The following EPM2A variants were observed in gnomAD, a reference collection of about 807,000 sequenced individuals.
EPM2A encodes the protein EPM2A glucan phosphatase, laforin, also known as laforin.
In EPM2A, 21 loss-of-function variants were observed where a neutral mutation model predicts 26.5. That is an observed-to-expected ratio of 0.79 (90% CI 0.56 to 1.14). The LOEUF is 1.14. Among genes scored for constraint, EPM2A ranks in the 50% most tolerant of loss-of-function variants. EPM2A has a pLI of 0.00. For synonymous variants in EPM2A, 217 were observed against 177.6 expected, an observed-to-expected ratio of 1.22 and a Z score of -1.76; for missense variants, 458 against 440.8, an observed-to-expected ratio of 1.04 and a Z score of -0.35.
chr6:145,516,101 T>C (rs1780122583), intron 2 of EPM2A, among the ~76,000 whole-genome samples: 1 of 152,178 alleles, frequency 6.6e-6, no homozygotes, highest in African/African-American at 2.4e-5. Flanking sequence ...AAAGTTACCA[T>C]ATCCTTGGGA....
intron 4 of EPM2A, among the ~76,000 whole-genome samples, chr6:145,402,853 T>TGAGTTACTCTGAGTA (rs1778509084): frequency 6.6e-6 from 1 of 152,190 alleles, no homozygotes; most frequent in Non-Finnish European, 1.5e-5. Context: ...TTTATATCTC[T>TGAGTTACTCTGAGTA]ACATATGTCT....
chr6:145,386,379 A>G (rs1455335997), intron 4 of EPM2A, among the ~76,000 whole-genome samples: 4 of 152,076 alleles, frequency 2.6e-5, no homozygotes, highest in African/African-American at 9.7e-5. Flanking sequence ...GCTTTTGTAT[A>G]TCACCCGAGA....
At chr6:145,530,382 T>C (rs1003371384) in intron 2 of EPM2A, among the ~76,000 whole-genome samples, 1 of 152,362 alleles carries the variant, frequency 6.6e-6, no homozygotes, top group Admixed American at 6.5e-5. Context: ...TTCACCATTA[T>C]TGAATTCCAA....
At chr6:145,585,983 C>A (rs73566751) in intron 2 of EPM2A, among the ~76,000 whole-genome samples, 10,200 of 152,186 alleles carry the variant, frequency 0.067, 1,149 homozygotes, top group African/African-American at 0.23. Context: ...ATTTTCACAT[C>A]TAGTTTTATC....
intron 4 of EPM2A, among the ~76,000 whole-genome samples, chr6:145,406,734 G>A (rs1327490678): frequency 2.0e-5 from 3 of 152,114 alleles, no homozygotes; most frequent in Non-Finnish European, 4.4e-5. Context: ...CTTCAGGCTA[G>A]AAAACTTCCC....
At chr6:145,564,084 AGTT>A (rs1780846447) in intron 2 of EPM2A, among the ~76,000 whole-genome samples, 12 of 152,192 alleles carry the variant, frequency 7.9e-5, no homozygotes, top group Admixed American at 7.9e-4. Context: ...CTAGGTAAAT[AGTT>A]GTTATGCTCC....
intron 1 of EPM2A, among the ~76,000 whole-genome samples, chr6:145,689,150 A>G (rs1182991477): frequency 2.6e-5 from 4 of 152,204 alleles, no homozygotes; most frequent in Non-Finnish European, 4.4e-5. Flanking sequence ...TTAATTACTC[A>G]TTTTTACACA....
At chr6:145,544,608 T>C (rs1159882196) in intron 2 of EPM2A, among the ~76,000 whole-genome samples, 2 of 152,180 alleles carry the variant, frequency 1.3e-5, no homozygotes, top group African/African-American at 4.8e-5. Context: ...AATTGGTTTT[T>C]TTTTCTTCCT....
At chr6:145,479,553 C>T (rs1779587784) in intron 4 of EPM2A, among the ~76,000 whole-genome samples, 1 of 151,818 alleles carries the variant, frequency 6.6e-6, no homozygotes, top group Admixed American at 6.6e-5. Context: ...AGACTTATTT[C>T]ACTTAGTACA....
intron 2 of EPM2A, among the ~76,000 whole-genome samples, chr6:145,647,238 C>T (rs1399090515): frequency 3.9e-5 from 6 of 152,198 alleles, no homozygotes; most frequent in Non-Finnish European, 8.8e-5. Flanking sequence ...ACGTGTGTCA[C>T]TAATCCCATG....
intron 2 of EPM2A, among the ~76,000 whole-genome samples, chr6:145,597,711 T>C (rs1379796332): frequency 6.6e-6 from 1 of 152,144 alleles, no homozygotes; most frequent in Non-Finnish European, 1.5e-5. Flanking sequence ...AGTTACTTTT[T>C]CCACTCCTCT....
At chr6:145,414,947 A>T (rs752672756) in intron 4 of EPM2A, among the ~76,000 whole-genome samples, 1 of 152,106 alleles carries the variant, frequency 6.6e-6, no homozygotes, top group Non-Finnish European at 1.5e-5. Context: ...TTTTTCTTCA[A>T]AGACCTCTTT....
intron 2 of EPM2A, among the ~76,000 whole-genome samples, chr6:145,675,980 T>G (rs1334838573): frequency 6.6e-6 from 1 of 152,204 alleles, no homozygotes; most frequent in Non-Finnish European, 1.5e-5. Context: ...AGAATATACA[T>G]TCTTCTCAGC....
chr6:145,687,785 T>C (rs1781026694), intron 1 of EPM2A, among the ~76,000 whole-genome samples: 1 of 152,202 alleles, frequency 6.6e-6, no homozygotes, highest in African/African-American at 2.4e-5. Context: ...GATGACTCTC[T>C]TAATAAACCA....
chr6:145,517,875 C>T (rs920321732), intron 2 of EPM2A, among the ~76,000 whole-genome samples: 5 of 151,984 alleles, frequency 3.3e-5, no homozygotes, highest in African/African-American at 9.7e-5. Flanking sequence ...GCTACATTAC[C>T]GTGATTAGAC....
At chr6:145,478,144 G>A (rs2114730968) in intron 4 of EPM2A, among the ~76,000 whole-genome samples, 1 of 151,812 alleles carries the variant, frequency 6.6e-6, no homozygotes, top group East Asian at 1.9e-4. Flanking sequence ...AATGAAAAAT[G>A]TGAGAAAGAA....
chr6:145,683,503 G>A (rs371527176), intron 2 of EPM2A, among the ~76,000 whole-genome samples: 106 of 152,060 alleles, frequency 7.0e-4, no homozygotes, highest in African/African-American at 2.4e-3. Flanking sequence ...AGACTTGGAT[G>A]TAAAACTATG....
rs150407558 is a variant in EPM2A, at chr6:145,445,550, A to T, written c.555+56972T>A. On this transcript the variant is annotated intron_variant, in intron 4 of 4. Coordinates refer to the EPM2A transcript ENST00000638717. Reference sequence around the variant, plus strand: ...TAGGACTGGGGTATTCTAAAATTCTACAGAGCTTACTGTGCTTACTAAGAC... The same window carrying T: ...TAGGACTGGGGTATTCTAAAATTCTTCAGAGCTTACTGTGCTTACTAAGAC... Among the ~76,000 whole-genome samples, 24 of 152,304 alleles carry T rather than the reference A, an allele frequency of 1.6e-4. No homozygotes were observed. The East Asian group carries it at 4.6e-3, about 29-fold the overall frequency.
intron 2 of EPM2A, among the ~76,000 whole-genome samples, chr6:145,556,064 G>C (rs1430932048): frequency 6.6e-6 from 1 of 151,940 alleles, no homozygotes; most frequent in Non-Finnish European, 1.5e-5. Context: ...GCTTATATTT[G>C]TGTTCTACAA....
Sources: gnomAD v4.1 joint callset for allele counts (sites outside exome capture counted in the v4.1 genomes callset) on GRCh38, gnomAD v4.1.1 for gene constraint, MANE v1.5 for transcripts, NCBI Gene and HGNC (gene_info 2026-07-23, HGNC 2026-07-21) for gene names.